The following RPH3A variants were observed in gnomAD, a reference collection of about 807,000 sequenced individuals.
RPH3A encodes the protein rabphilin-3A.
A neutral mutation model predicts 102.2 loss-of-function variants in RPH3A; 48 were observed. The ratio of observed to expected loss-of-function variants is 0.47; its 90% CI spans 0.37 to 0.60. The LOEUF (loss-of-function observed/expected upper bound fraction) is 0.60, where lower values mean the gene tolerates loss of function less well. Among genes scored for constraint, RPH3A ranks in the 20% least tolerant of loss-of-function variants. The pLI is 0.00. For missense variants in RPH3A, 781 were observed against 910.1 expected (o/e 0.86, Z 1.83); for synonymous variants, 310 against 324.3 (o/e 0.96, Z 0.47).
intron 1 of RPH3A, among the ~76,000 whole-genome samples, chr12:112,776,873 CAAAAAAAAAAAAAAAAAAAA>C (rs548377186): frequency 8.1e-5 from 6 of 73,910 alleles, no homozygotes; most frequent in South Asian, 5.0e-4. Flanking sequence ...GACTCCATCT[CAAAAAAAAAAAAAAAAAAAA>C]AAAAAAAAAA....
At chr12:112,865,381 C>T (rs2042592599) in intron 5 of RPH3A, 33 bp from the exon 6 acceptor site, 1 of 1,610,174 alleles carries the variant, frequency 6.2e-7, no homozygotes, top group Non-Finnish European at 8.5e-7. Context: ...CCCAGTCCTA[C>T]AAGGTCCTTA....
In RPH3A at chr12:112,879,207, T is replaced by C. The variant is rs764230753; in HGVS notation, c.1251+9T>C. On this transcript the variant is annotated intron_variant, in intron 14 of 21. Transcript: ENST00000389385. The stretch of plus-strand genomic sequence containing the variant: ...CCATCATTAAGGCCAAGGTGGGTGA[T>C]GGGGACCATGCAGGGAACCTCTCAG... The C allele has an allele frequency of 1.2e-5, 20 of 1,612,248 alleles. No individual in the cohort carries two copies. The highest frequency in any genetic ancestry group is 1.6e-4 in the Middle Eastern group (1 of 6,078).
At position 112,615,588 on chromosome 12, in the gene RPH3A, G is replaced by T. The variant is rs139562825; in HGVS notation, c.-140+40269G>T. ...CGCTAGAGATCTCGGCTGCAGAAAGGCAGGTCCAGGAGCAGGTGGAGAGGT... is the reference window on the plus strand; with the variant it reads ...CGCTAGAGATCTCGGCTGCAGAAAGTCAGGTCCAGGAGCAGGTGGAGAGGT... On this transcript the variant is annotated intron_variant, in intron 1 of 21. Coordinates refer to the RPH3A transcript ENST00000543106. 2.5e-3 allele frequency among the ~76,000 whole-genome samples: 378 copies of T among 152,314 alleles called. 1 individual carries two copies. The highest frequency in any genetic ancestry group is 8.3e-3 in the African/African-American group (344 of 41,580).
intron 12 of RPH3A, 81 bp from the exon 13 acceptor site, chr12:112,876,561 C>A: frequency 2.0e-6 from 2 of 1,014,838 alleles, no homozygotes; most frequent in Non-Finnish European, 2.8e-6. Context: ...CAGGAATCCG[C>A]ATCTTTTGAA....
chr12:112,748,947 G>A (rs961864569), intron 1 of RPH3A, among the ~76,000 whole-genome samples: 2 of 151,934 alleles, frequency 1.3e-5, no homozygotes, highest in Non-Finnish European at 2.9e-5. Context: ...TCATACTTTG[G>A]ACTTTTGGTC....
At chr12:112,765,006 G>C (rs1238054306) in intron 1 of RPH3A, among the ~76,000 whole-genome samples, 1 of 152,120 alleles carries the variant, frequency 6.6e-6, no homozygotes, top group Non-Finnish European at 1.5e-5. Flanking sequence ...CTGTATAATT[G>C]TCTGAGCCAT....
At chr12:112,637,808 G>A (rs939158694) in intron 1 of RPH3A, among the ~76,000 whole-genome samples, 2 of 152,074 alleles carry the variant, frequency 1.3e-5, no homozygotes, top group Non-Finnish European at 2.9e-5. Flanking sequence ...GAGCCCGAAG[G>A]CAGAAGCTTC....
chr12:112,746,191 C>A (rs905593147), intron 1 of RPH3A, among the ~76,000 whole-genome samples: 2 of 152,130 alleles, frequency 1.3e-5, no homozygotes, highest in African/African-American at 2.4e-5. Context: ...CTCTTGAACA[C>A]CTACTATGCG....
rs148173277 is a variant in RPH3A at position 112,658,785 on chromosome 12, G to A, written c.-140+83466G>A. Among the ~76,000 whole-genome samples, 241 of 152,240 alleles carry A rather than the reference G, an allele frequency of 1.6e-3. 1 individual carries two copies. The highest frequency in any genetic ancestry group is 2.7e-3 in the Non-Finnish European group (186 of 67,998). On this transcript the variant is annotated intron_variant, in intron 1 of 21. Transcript: ENST00000543106. ...TGGCTGCTAAGTGTTTGATCTATTG[G>A]GGCAAGATCAATTTGTTGATAGGTA...
intron 1 of RPH3A, among the ~76,000 whole-genome samples, chr12:112,773,611 T>C (rs2040943110): frequency 6.6e-6 from 1 of 151,840 alleles, no homozygotes; most frequent in Admixed American, 6.6e-5. Flanking sequence ...TAGGGGTGTA[T>C]TTTTTTTAAG....
chr12:112,865,653 A>G, intron 6 of RPH3A, 110 bp downstream of exon 6: 2 of 1,197,668 alleles, frequency 1.7e-6, no homozygotes, highest in Non-Finnish European at 2.3e-6. Flanking sequence ...TTGGATCCTG[A>G]AGATCACTTG....
At chr12:112,786,363 T>G (rs911326979) in intron 1 of RPH3A, among the ~76,000 whole-genome samples, 2 of 152,234 alleles carry the variant, frequency 1.3e-5, no homozygotes, top group African/African-American at 2.4e-5. Flanking sequence ...CCAGCAATCC[T>G]TTCTCTCTCT....
intron 1 of RPH3A, among the ~76,000 whole-genome samples, chr12:112,711,583 C>T (rs999922318): frequency 3.3e-5 from 5 of 152,146 alleles, no homozygotes; most frequent in African/African-American, 9.7e-5. Context: ...ACTTCAGAAA[C>T]GAGTGGTGTG....
chr12:112,788,209 A>G (rs990585834), upstream of RPH3A, among the ~76,000 whole-genome samples: 2 of 152,258 alleles, frequency 1.3e-5, no homozygotes, highest in African/African-American at 4.8e-5. Context: ...CCTAGATGGC[A>G]TGGTGACCAG....
intron 1 of RPH3A, among the ~76,000 whole-genome samples, chr12:112,771,380 A>G (rs2384035): frequency 0.76 from 115,217 of 152,122 alleles, 44,218 homozygotes; most frequent in East Asian, 0.9. Context: ...AATTCAGTTC[A>G]TTTAAACTTG....
At chr12:112,874,598 G>A (rs1273496290) in intron 10 of RPH3A, among the ~76,000 whole-genome samples, 2 of 152,166 alleles carry the variant, frequency 1.3e-5, no homozygotes, top group Non-Finnish European at 2.9e-5. Context: ...ATGGGAAACA[G>A]CAGGAAGGCA....
Position 112,646,318 on chromosome 12 carries a change from G to A in RPH3A, c.-140+70999G>A, listed in dbSNP as rs576348617. On this transcript the variant is annotated intron_variant, in intron 1 of 21. Transcript: ENST00000543106. Reference sequence around the variant, plus strand: ...TCCTTTGTCATCTTAATGTCAGTAAGTAGCCCTAAAGGTGATAAGATGGCT... The same window carrying A: ...TCCTTTGTCATCTTAATGTCAGTAAATAGCCCTAAAGGTGATAAGATGGCT... 4.6e-5 allele frequency among the ~76,000 whole-genome samples: 7 copies of A among 152,296 alleles called. No individual in the cohort carries two copies. The South Asian group carries it at 1.5e-3, about 32-fold the overall frequency.
intron 1 of RPH3A, among the ~76,000 whole-genome samples, chr12:112,714,499 C>T (rs982029591): frequency 6.6e-6 from 1 of 152,226 alleles, no homozygotes; most frequent in African/African-American, 2.4e-5. Flanking sequence ...TTTGGGTCTA[C>T]GTCTCTGGGT....
intron 2 of RPH3A, among the ~76,000 whole-genome samples, chr12:112,821,861 T>C (rs1384881116): frequency 1.3e-5 from 2 of 152,302 alleles, no homozygotes; most frequent in African/African-American, 4.8e-5. Context: ...CACATAGTAA[T>C]GGTAAATGTT....
Sources: gnomAD v4.1 joint callset for allele counts (sites outside exome capture counted in the v4.1 genomes callset) on GRCh38, gnomAD v4.1.1 for gene constraint, MANE v1.5 for transcripts, NCBI Gene and HGNC (gene_info 2026-07-23, HGNC 2026-07-21) for gene names.